PRKCE: variants seen among roughly 807,000 people sequenced by gnomAD.
PRKCE encodes protein kinase C epsilon.
Under a neutral mutation model 85.4 loss-of-function variants are expected in PRKCE, and 16 were observed. The ratio of observed to expected loss-of-function variants is 0.19; its 90% CI spans 0.13 to 0.28. The LOEUF (loss-of-function observed/expected upper bound fraction) is 0.28. Ranked by LOEUF, PRKCE falls within the 10% of genes least tolerant of loss-of-function variation. PRKCE has a pLI of 1.00. For missense variants in PRKCE, 573 were observed against 975.2 expected, an observed-to-expected ratio of 0.59 and a Z score of 5.49; for synonymous variants, 388 against 371.5, an observed-to-expected ratio of 1.04 and a Z score of -0.51.
chr2:46,021,734 A>C (rs1171636549), intron 10 of PRKCE, among the ~76,000 whole-genome samples: 3 of 152,220 alleles, frequency 2.0e-5, no homozygotes, highest in Non-Finnish European at 2.9e-5. Flanking sequence ...TAAGTTATCT[A>C]ACCCGGTCAC....
intron 2 of PRKCE, among the ~76,000 whole-genome samples, chr2:45,879,281 G>A (rs1057221395): frequency 5.9e-5 from 9 of 152,176 alleles, no homozygotes; most frequent in African/African-American, 1.7e-4. Flanking sequence ...AGACTTCAGG[G>A]GAAGAATACC....
intron 10 of PRKCE, among the ~76,000 whole-genome samples, chr2:46,013,133 T>C (rs1558959453): frequency 6.6e-6 from 1 of 152,214 alleles, no homozygotes; most frequent in Non-Finnish European, 1.5e-5. Context: ...CATAGAAGGA[T>C]CTTAACTTAC....
chr2:45,946,125 G>A (rs1700226097), intron 2 of PRKCE, among the ~76,000 whole-genome samples: 1 of 152,236 alleles, frequency 6.6e-6, no homozygotes, highest in African/African-American at 2.4e-5. Context: ...CAACCAAGGT[G>A]GCCAGAGTTT....
intron 11 of PRKCE, among the ~76,000 whole-genome samples, chr2:46,113,129 G>T (rs1474091915): frequency 6.6e-6 from 1 of 152,098 alleles, no homozygotes; most frequent in African/African-American, 2.4e-5. Context: ...AATACTTCAT[G>T]GACCTCACAG....
At chr2:46,120,157 G>A (rs918605553) in intron 11 of PRKCE, among the ~76,000 whole-genome samples, 4 of 152,294 alleles carry the variant, frequency 2.6e-5, no homozygotes, top group Admixed American at 1.3e-4. Context: ...AAGAGGAAAC[G>A]CACTGACCTC....
At chr2:45,728,600 A>T (rs1465746314) in intron 1 of PRKCE, among the ~76,000 whole-genome samples, 1 of 152,132 alleles carries the variant, frequency 6.6e-6, no homozygotes, top group Admixed American at 6.5e-5. Context: ...AGACTTCTAG[A>T]GTGTCTGAGC....
intron 1 of PRKCE, among the ~76,000 whole-genome samples, chr2:45,723,839 G>T (rs1336797665): frequency 6.6e-6 from 1 of 152,100 alleles, no homozygotes; most frequent in Non-Finnish European, 1.5e-5. Context: ...TCCTGACCTC[G>T]TGATCTGCCT....
chr2:46,112,780 A>G (rs760703022), intron 11 of PRKCE, among the ~76,000 whole-genome samples: 1 of 152,154 alleles, frequency 6.6e-6, no homozygotes, highest in Non-Finnish European at 1.5e-5. Flanking sequence ...TTGGCCTCCC[A>G]AAGTGCTGGG....
intron 14 of PRKCE, among the ~76,000 whole-genome samples, chr2:46,181,347 T>A (rs1453943226): frequency 6.6e-6 from 1 of 152,204 alleles, no homozygotes; most frequent in African/African-American, 2.4e-5. Context: ...GTAACTCACA[T>A]GCACCTGAAA....
intron 2 of PRKCE, chr2:45,851,940 G>A (rs61448574): frequency 0.19 from 28,763 of 152,304 alleles, 4,586 homozygotes; most frequent in African/African-American, 0.43. Flanking sequence ...GGTGGCCTGG[G>A]CTCCCGCAAA....
intron 14 of PRKCE, among the ~76,000 whole-genome samples, chr2:46,168,355 C>G (rs1043297780): frequency 6.6e-6 from 1 of 152,066 alleles, no homozygotes; most frequent in African/African-American, 2.4e-5. Context: ...TCCTAGGCCA[C>G]GCCTGATCAA....
chr2:45,688,768 T>G (rs1469332713), intron 1 of PRKCE, among the ~76,000 whole-genome samples: 1 of 152,244 alleles, frequency 6.6e-6, no homozygotes, highest in Non-Finnish European at 1.5e-5. Context: ...CTATCTGGGT[T>G]GCAAGGATAC....
At chr2:45,813,120 AGGC>A (rs1688770578) in intron 1 of PRKCE, among the ~76,000 whole-genome samples, 1 of 152,168 alleles carries the variant, frequency 6.6e-6, no homozygotes, top group East Asian at 1.9e-4. Flanking sequence ...CAGTTCCAGG[AGGC>A]AAAACTGCAG....
intron 10 of PRKCE, among the ~76,000 whole-genome samples, chr2:46,058,002 G>T (rs1666758159): frequency 1.3e-5 from 2 of 152,214 alleles, no homozygotes; most frequent in South Asian, 4.1e-4. Flanking sequence ...TCAGACCTCA[G>T]GAGTTACCTC....
At chr2:45,979,114 T>C in intron 4 of PRKCE, 104 bp downstream of exon 4, 1 of 1,059,666 alleles carries the variant, frequency 9.4e-7, no homozygotes, top group Non-Finnish European at 1.4e-6. Flanking sequence ...TTGGAGGCTC[T>C]CCACAGCTTG....
intron 1 of PRKCE, among the ~76,000 whole-genome samples, chr2:45,742,893 T>C (rs1181918593): frequency 1.3e-5 from 2 of 152,206 alleles, no homozygotes; most frequent in African/African-American, 4.8e-5. Context: ...AACCTAAGTG[T>C]CTGTTGACAG....
rs573278076 is a variant in PRKCE at position 45,823,809 on chromosome 2, C to T, written c.349-19191C>T. Among the ~76,000 whole-genome samples, 10 of 152,336 alleles carry T rather than the reference C, an allele frequency of 6.6e-5. No homozygotes were observed. The South Asian group carries it at 1.7e-3, about 25-fold the overall frequency. On this transcript the variant is annotated intron_variant, in intron 1 of 14. Transcript: ENST00000306156. The stretch of plus-strand genomic sequence containing the variant: ...CATGTCCAGCTTTGCTGCTGGCAGC[C>T]ACAGAGGCATCTGAGAGGCATGTGC...
In PRKCE at chr2:45,919,986, G is replaced by T. The variant is rs114740640; in HGVS notation, c.413-56443G>T. 8.3e-4 allele frequency among the ~76,000 whole-genome samples: 127 copies of T among 152,272 alleles called. 1 individual carries two copies. Among genetic ancestry groups the T allele is most frequent in the African/African-American group, 2.8e-3 (115 of 41,564 alleles). ...GAGGAGGCTTGAGACCTGAGAACTGGCTTCTTTCATCCTGGCCCTGCCAGT... is the reference window on the plus strand; with the variant it reads ...GAGGAGGCTTGAGACCTGAGAACTGTCTTCTTTCATCCTGGCCCTGCCAGT... On this transcript the variant is annotated intron_variant, in intron 2 of 14. Coordinates refer to ENST00000306156, the MANE Select transcript of PRKCE (RefSeq NM_005400.3).
At chr2:46,010,785 G>A (rs1321440708) in intron 10 of PRKCE, 3 of 1,593,714 alleles carry the variant, frequency 1.9e-6, no homozygotes. Flanking sequence ...TAAACTCACT[G>A]TTTGCTCATT....
Sources: gnomAD v4.1 joint callset for allele counts (sites outside exome capture counted in the v4.1 genomes callset) on GRCh38, gnomAD v4.1.1 for gene constraint, MANE v1.5 for transcripts, NCBI Gene and HGNC (gene_info 2026-07-23, HGNC 2026-07-21) for gene names.